GPRASP3: variants seen among roughly 807,000 people sequenced by gnomAD.
GPRASP3 encodes G protein-coupled receptor associated sorting protein family member 3, also known as G protein-coupled receptor associated sorting protein 3.
the GPRASP3 span, among the ~76,000 whole-genome samples, chrX:102,746,567 G>A: frequency 8.9e-6 from 1 of 112,243 alleles, no homozygotes; most frequent in Non-Finnish European, 1.9e-5. Flanking sequence ...GGGAGCCGGC[G>A]TCCCAGCTCT....
chrX:102,748,954 C>A, the GPRASP3 span: 2 of 1,152,356 alleles, frequency 1.7e-6, no homozygotes, highest in South Asian at 2.0e-5. Context: ...CATTGAGAAC[C>A]AAGGCCAAGA....
chrX:102,730,242 G>A, the GPRASP3 span, among the ~76,000 whole-genome samples: 1 of 111,500 alleles, frequency 9.0e-6, no homozygotes, highest in Non-Finnish European at 1.9e-5. Context: ...TTCACAATAC[G>A]GTTTGTGCTC....
the GPRASP3 span, among the ~76,000 whole-genome samples, chrX:102,742,924 G>A: frequency 1.8e-5 from 2 of 111,824 alleles, no homozygotes; most frequent in Admixed American, 9.4e-5. Flanking sequence ...AGGGAGAGAT[G>A]AGACATCAAT....
chrX:102,731,967 C>T, the GPRASP3 span, among the ~76,000 whole-genome samples: 3 of 112,168 alleles, frequency 2.7e-5, no homozygotes, highest in South Asian at 3.7e-4. Flanking sequence ...CCCTGGTATC[C>T]GCATTCAATT....
the GPRASP3 span, among the ~76,000 whole-genome samples, chrX:102,742,982 C>G: frequency 9.0e-6 from 1 of 110,869 alleles, no homozygotes; most frequent in Non-Finnish European, 1.9e-5. Flanking sequence ...GGCAGGACAA[C>G]TCCAAGAGGG....
the GPRASP3 span, among the ~76,000 whole-genome samples, chrX:102,734,623 AT>A: frequency 9.0e-6 from 1 of 111,351 alleles, no homozygotes; most frequent in African/African-American, 3.3e-5. Context: ...TCTCAAAAAA[AT>A]AATAATAATA....
At chrX:102,748,273 A>G in the GPRASP3 span, among the ~76,000 whole-genome samples, 1 of 112,179 alleles carries the variant, frequency 8.9e-6, no homozygotes, top group Non-Finnish European at 1.9e-5. Flanking sequence ...AGGCCTGCCC[A>G]TGAGTTAACT....
chrX:102,739,364 T>G, the GPRASP3 span, among the ~76,000 whole-genome samples: 11 of 111,290 alleles, frequency 9.9e-5, no homozygotes, highest in East Asian at 3.1e-3. Flanking sequence ...GAATATGACC[T>G]TGAAGGTCTT....
At chrX:102,725,562 C>T in the GPRASP3 span, among the ~76,000 whole-genome samples, 1 of 101,725 alleles carries the variant, frequency 9.8e-6, no homozygotes, top group Non-Finnish European at 2.0e-5. Context: ...AGTCTCACTT[C>T]GTCACCCAGG....
chrX:102,749,487 G>A, the GPRASP3 span: 2 of 1,211,999 alleles, frequency 1.7e-6, no homozygotes, highest in South Asian at 1.8e-5. Context: ...CTAGGTCAGG[G>A]GCTGAGGAGG....
At chrX:102,750,903 T>C in the GPRASP3 span, 1 of 251,724 alleles carries the variant, frequency 4.0e-6, no homozygotes, top group Non-Finnish European at 7.5e-6. Flanking sequence ...ACTTGTTCAT[T>C]AGTATCTGTG....
the GPRASP3 span, chrX:102,746,071 A>T: frequency 8.9e-6 from 1 of 112,006 alleles, no homozygotes; most frequent in Non-Finnish European, 1.9e-5. Flanking sequence ...CGTCTTTGCC[A>T]TTCTGATAGC....
At chrX:102,740,807 A>T in the GPRASP3 span, among the ~76,000 whole-genome samples, 5 of 110,444 alleles carry the variant, frequency 4.5e-5, no homozygotes, top group Admixed American at 3.9e-4. Flanking sequence ...AGAATGCATT[A>T]ATAGCAGAAT....
chrX:102,753,100 A>G, the GPRASP3 span: 1 of 122,060 alleles, frequency 8.2e-6, no homozygotes, highest in Admixed American at 9.6e-5. Context: ...AAGCTTCTTA[A>G]TGCCCTTTTG....
At chrX:102,746,137 A>AG in the GPRASP3 span, 1 of 110,692 alleles carries the variant, frequency 9.0e-6, no homozygotes, top group Non-Finnish European at 1.9e-5. Flanking sequence ...TGAGGAGAGG[A>AG]GGGGGAGGTC....
At chrX:102,734,197 CAG>C in the GPRASP3 span, among the ~76,000 whole-genome samples, 1 of 112,117 alleles carries the variant, frequency 8.9e-6, no homozygotes, top group Non-Finnish European at 1.9e-5. Context: ...GTGCAGGTCA[CAG>C]GGGATATGAT....
At chrX:102,737,738 G>A in the GPRASP3 span, among the ~76,000 whole-genome samples, 1 of 111,852 alleles carries the variant, frequency 8.9e-6, no homozygotes, top group Non-Finnish European at 1.9e-5. Flanking sequence ...CTGTTAGAAA[G>A]TTAAGGTTTG....
At chrX:102,733,552 G>T in the GPRASP3 span, among the ~76,000 whole-genome samples, 1 of 109,258 alleles carries the variant, frequency 9.2e-6, no homozygotes, top group South Asian at 3.9e-4. Context: ...CTTCACAGGA[G>T]TATACTTTAC....
At chrX:102,744,398 T>G in the GPRASP3 span, among the ~76,000 whole-genome samples, 6 of 112,185 alleles carry the variant, frequency 5.3e-5, no homozygotes, top group Non-Finnish European at 1.1e-4. Context: ...TGTTAAAGTT[T>G]TAATACTATT....
Sources: gnomAD v4.1 joint callset for allele counts (sites outside exome capture counted in the v4.1 genomes callset) on GRCh38, gnomAD v4.1.1 for gene constraint, MANE v1.5 for transcripts, NCBI Gene and HGNC (gene_info 2026-07-23, HGNC 2026-07-21) for gene names.